PCDH19: variants seen among roughly 807,000 people sequenced by gnomAD.
PCDH19 encodes protocadherin-19.
A neutral mutation model predicts 46.2 loss-of-function variants in PCDH19; 6 were observed. That is an observed-to-expected ratio of 0.13 (90% CI 0.07 to 0.26). The LOEUF is 0.26. PCDH19 is among the 10% of genes least tolerant of loss of function. The probability of loss-of-function intolerance (pLI) is 1.00; values close to 1 mark genes in which losing one functional copy is unlikely to be tolerated. For synonymous variants in PCDH19, 481 were observed against 415.7 expected (o/e 1.16, Z -1.91); for missense variants, 740 against 972.3 (o/e 0.76, Z 3.18).
chrX:100,326,580 C>T (rs1925703621), intron 5 of PCDH19, among the ~76,000 whole-genome samples: 1 of 111,119 alleles, frequency 9.0e-6, no homozygotes, highest in Non-Finnish European at 1.9e-5. Context: ...GGGTATGCAG[C>T]TTTTGATACA....
intron 3 of PCDH19, among the ~76,000 whole-genome samples, chrX:100,380,383 T>C (rs964142275): frequency 1.4e-4 from 16 of 111,690 alleles, no homozygotes; most frequent in Admixed American, 1.2e-3. Context: ...TTCATAATAA[T>C]ATGCTCTTTT....
rs1928076729 is a variant in PCDH19, at chrX:100,398,082, G to A, written c.2616+4442C>T. Among the ~76,000 whole-genome samples the A allele has an allele frequency of 2.7e-5, 3 of 110,393 alleles. No individual in the cohort carries two copies. In the Admixed American group the frequency reaches 2.9e-4, roughly 11 times the overall value. On this transcript the variant is annotated intron_variant, in intron 3 of 5. Coordinates refer to ENST00000373034, the MANE Select transcript of PCDH19 (RefSeq NM_001184880.2). ...CTAAGTCTATGAGTAAAATAAACCAGGATACCAAGGAATGCAAACCTCACC... is the reference window on the plus strand; with the variant it reads ...CTAAGTCTATGAGTAAAATAAACCAAGATACCAAGGAATGCAAACCTCACC...
Position 100,322,865 on chromosome X carries a change from A to ATATATATATATTTTTTTTT in PCDH19, c.2848+19037_2848+19038insAAAAAAAAATATATATATA. 2.3e-3 allele frequency among the ~76,000 whole-genome samples: 127 copies of ATATATATATATTTTTTTTT among 54,322 alleles called. 2 individuals carry two copies. Among genetic ancestry groups the ATATATATATATTTTTTTTT allele is most frequent in the Non-Finnish European group, 2.7e-3 (80 of 30,151 alleles). 47.2% of individuals were successfully genotyped at this position (54,322 alleles called of 115,157 possible). The stretch of plus-strand genomic sequence containing the variant: ...TATATATATATATATATATATATAT[A>ATATATATATATTTTTTTTT]TTTTTGCAGCTATTGTAAAAGGGGT... On this transcript the variant is annotated intron_variant, in intron 5 of 5. Coordinates refer to ENST00000373034, the MANE Select transcript of PCDH19 (RefSeq NM_001184880.2).
At chrX:100,322,865 A>ATATATATATATATATATTT in intron 5 of PCDH19, among the ~76,000 whole-genome samples, 1 of 54,416 alleles carries the variant, frequency 1.8e-5, no homozygotes, top group African/African-American at 8.4e-5. Context: ...ATATATATAT[A>ATATATATATATATATATTT]TTTTTGCAGC....
rs1378832479 is a variant in PCDH19 at position 100,291,781 on chromosome X, T to A, written c.*4496A>T. On this transcript the variant is annotated 3_prime_UTR_variant, in exon 6 of 6. Transcript: ENST00000373034. ...GATAACACCATTTGAAACATAACTGTAATAATTTAATAAAGCTGCTTTATC... is the reference window on the plus strand; with the variant it reads ...GATAACACCATTTGAAACATAACTGAAATAATTTAATAAAGCTGCTTTATC... 1 of 113,208 alleles carries A rather than the reference T, an allele frequency of 8.8e-6. No homozygotes were observed. Among genetic ancestry groups the A allele is most frequent in the African/African-American group, 3.2e-5 (1 of 31,101 alleles). The allele number at this position is 113,208 out of a possible 1,213,427, so 9.3% of individuals were successfully genotyped here.
At chrX:100,302,635 G>C in intron 5 of PCDH19, among the ~76,000 whole-genome samples, 1 of 111,742 alleles carries the variant, frequency 8.9e-6, no homozygotes, top group Non-Finnish European at 1.9e-5. Flanking sequence ...TTTATCCACA[G>C]GTTCCACCAG....
chrX:100,344,362 T>A (rs1325111572), intron 4 of PCDH19, among the ~76,000 whole-genome samples: 1 of 111,874 alleles, frequency 8.9e-6, no homozygotes. Context: ...TGTTTCACCA[T>A]TTCTAGCTTT....
At chrX:100,369,153 A>C (rs1468596688) in intron 3 of PCDH19, among the ~76,000 whole-genome samples, 1 of 111,536 alleles carries the variant, frequency 9.0e-6, no homozygotes, top group Non-Finnish European at 1.9e-5. Context: ...AAATTTAAAA[A>C]TTTCCCACTA....
Position 100,389,823 on chromosome X carries a change from T to C in PCDH19, c.2616+12701A>G, listed in dbSNP as rs182982677. Among the ~76,000 whole-genome samples the C allele has an allele frequency of 2.6e-3, 295 of 112,069 alleles. 1 individual carries two copies. Among genetic ancestry groups the C allele is most frequent in the African/African-American group, 9.0e-3 (279 of 30,968 alleles). On this transcript the variant is annotated intron_variant, in intron 3 of 5. Transcript: ENST00000373034. ...TATATAGACATTCCTAAATTTTATA[T>C]AGTCAGAGCTGCTGGTATTTTTCTT...
chrX:100,364,552 G>A (rs1406719061), intron 3 of PCDH19, among the ~76,000 whole-genome samples: 2 of 110,796 alleles, frequency 1.8e-5, no homozygotes, highest in East Asian at 2.8e-4. Context: ...AGGATTCGCC[G>A]GTTCTGAAAT....
intron 3 of PCDH19, among the ~76,000 whole-genome samples, chrX:100,365,188 G>A (rs1322813657): frequency 9.0e-6 from 1 of 111,297 alleles, no homozygotes; most frequent in Non-Finnish European, 1.9e-5. Context: ...ACAGTCTGCA[G>A]ATGTATATAG....
At chrX:100,365,972 A>T (rs184618380) in intron 3 of PCDH19, among the ~76,000 whole-genome samples, 2 of 112,060 alleles carry the variant, frequency 1.8e-5, no homozygotes, top group Admixed American at 1.9e-4. Flanking sequence ...ATTAGTGTAA[A>T]TTATGTTTGT....
intron 1 of PCDH19, among the ~76,000 whole-genome samples, chrX:100,405,259 T>C (rs1928309501): frequency 8.9e-6 from 1 of 112,427 alleles, no homozygotes; most frequent in African/African-American, 3.2e-5. Context: ...CACACTGATG[T>C]GTAGGTGTGT....
intron 3 of PCDH19, among the ~76,000 whole-genome samples, chrX:100,400,935 C>A (rs190210584): frequency 4.4e-4 from 49 of 111,494 alleles, no homozygotes; most frequent in African/African-American, 1.4e-3. Flanking sequence ...ATTTGCCAGG[C>A]AGTATAGAGT....
intron 3 of PCDH19, among the ~76,000 whole-genome samples, chrX:100,364,621 G>A (rs1483037622): frequency 1.8e-5 from 2 of 111,571 alleles, no homozygotes; most frequent in African/African-American, 6.5e-5. Context: ...AACACATTGT[G>A]TTGCTTAGTT....
intron 3 of PCDH19, among the ~76,000 whole-genome samples, chrX:100,351,210 G>C (rs772482893): frequency 6.2e-4 from 70 of 112,927 alleles, no homozygotes; most frequent in Non-Finnish European, 1.1e-3. Context: ...CACTGGTTAT[G>C]CAGGAAGGCC....
intron 3 of PCDH19, among the ~76,000 whole-genome samples, chrX:100,363,856 C>CGT (rs1555980282): frequency 5.6e-5 from 5 of 88,992 alleles, no homozygotes; most frequent in African/African-American, 2.2e-4. Context: ...AATGTGCGTG[C>CGT]GTGTGTGTGT....
intron 3 of PCDH19, among the ~76,000 whole-genome samples, chrX:100,368,331 C>T (rs1012561132): frequency 1.1e-4 from 12 of 111,490 alleles, no homozygotes; most frequent in African/African-American, 3.9e-4. Context: ...GCAGACTGAG[C>T]TCTTTCCTGC....
intron 5 of PCDH19, among the ~76,000 whole-genome samples, chrX:100,333,166 G>A (rs1365842268): frequency 9.9e-5 from 3 of 30,199 alleles, no homozygotes; most frequent in East Asian, 1.6e-3. Flanking sequence ...AGGAAGGAAG[G>A]AAGGAAGGGA....
Sources: gnomAD v4.1 joint callset for allele counts (sites outside exome capture counted in the v4.1 genomes callset) on GRCh38, gnomAD v4.1.1 for gene constraint, MANE v1.5 for transcripts, NCBI Gene and HGNC (gene_info 2026-07-23, HGNC 2026-07-21) for gene names.